RARB: variants seen among roughly 807,000 people sequenced by gnomAD.
RARB encodes retinoic acid receptor beta.
RARB carries 17 observed loss-of-function variants against 51.9 expected under a neutral mutation model. The observed-to-expected ratio is 0.33, with a 90% confidence interval of 0.22 to 0.49. The LOEUF (loss-of-function observed/expected upper bound fraction) is 0.49, where lower values mean the gene tolerates loss of function less well. Among genes scored for constraint, RARB ranks in the 20% least tolerant of loss-of-function variants. The pLI is 0.99. For missense variants in RARB, 369 were observed against 550.8 expected (o/e 0.67, Z 3.30); for synonymous variants, 215 against 195.4 (o/e 1.10, Z -0.84).
intron 4 of RARB, among the ~76,000 whole-genome samples, chr3:25,162,593 C>T (rs1444813530): frequency 1.3e-5 from 2 of 152,196 alleles, no homozygotes; most frequent in African/African-American, 2.4e-5. Flanking sequence ...TCTTTCCTCC[C>T]TCTAGCACCT....
At chr3:25,410,281 A>C (rs1707524374) in intron 5 of RARB, among the ~76,000 whole-genome samples, 1 of 152,232 alleles carries the variant, frequency 6.6e-6, no homozygotes, top group African/African-American at 2.4e-5. Flanking sequence ...TGGTGAATTA[A>C]ATGGGGCTTC....
At chr3:25,499,058 AAACAAGATTTCCAGGCACT>A (rs1352366278) in intron 2 of RARB, among the ~76,000 whole-genome samples, 1 of 152,224 alleles carries the variant, frequency 6.6e-6, no homozygotes, top group East Asian at 1.9e-4. Context: ...TTGCAACCTT[AAACAAGATTTCCAGGCACT>A]TATAGTTGAA....
At chr3:25,289,734 C>T (rs1357163742) in intron 5 of RARB, among the ~76,000 whole-genome samples, 4 of 148,428 alleles carry the variant, frequency 2.7e-5, no homozygotes, top group African/African-American at 4.9e-5. Context: ...GGGAGGAAGG[C>T]GAAGGATTTT....
chr3:25,046,673 T>C (rs2125297543), intron 2 of RARB, among the ~76,000 whole-genome samples: 1 of 152,256 alleles, frequency 6.6e-6, no homozygotes, highest in East Asian at 1.9e-4. Context: ...CAGGCTGGTT[T>C]CAAACTCCTG....
intron 2 of RARB, among the ~76,000 whole-genome samples, chr3:24,967,530 A>G (rs1309224587): frequency 6.6e-6 from 1 of 152,140 alleles, no homozygotes; most frequent in Non-Finnish European, 1.5e-5. Flanking sequence ...ACATGCATGC[A>G]TCTTTCAGCA....
intron 3 of RARB, among the ~76,000 whole-genome samples, chr3:25,118,348 C>G (rs1211123800): frequency 6.6e-6 from 1 of 152,120 alleles, no homozygotes; most frequent in Non-Finnish European, 1.5e-5. Flanking sequence ...GTCACTTTAT[C>G]ATGATCTGCC....
chr3:24,976,534 T>A (rs192895169), intron 2 of RARB, among the ~76,000 whole-genome samples: 1 of 152,226 alleles, frequency 6.6e-6, no homozygotes, highest in Non-Finnish European at 1.5e-5. Context: ...TGATGAGCAT[T>A]TTTTCATGTG....
chr3:24,878,667 G>A (rs1479440845), intron 2 of RARB, among the ~76,000 whole-genome samples: 1 of 152,104 alleles, frequency 6.6e-6, no homozygotes, highest in Non-Finnish European at 1.5e-5. Flanking sequence ...CCCTAATTGT[G>A]ATAACCAAAA....
chr3:25,413,657 G>T (rs1707626077), intron 5 of RARB, among the ~76,000 whole-genome samples: 2 of 151,882 alleles, frequency 1.3e-5, no homozygotes, highest in South Asian at 4.1e-4. Context: ...CTTGTTTTTT[G>T]TTTTTTGTTT....
At chr3:25,011,630 A>G (rs1697396092) in intron 2 of RARB, among the ~76,000 whole-genome samples, 1 of 152,096 alleles carries the variant, frequency 6.6e-6, no homozygotes, top group Non-Finnish European at 1.5e-5. Flanking sequence ...AAATCCAGTT[A>G]AACATTAAGA....
At chr3:25,036,114 A>G (rs1004457646) in intron 2 of RARB, among the ~76,000 whole-genome samples, 5 of 152,100 alleles carry the variant, frequency 3.3e-5, no homozygotes, top group African/African-American at 1.2e-4. Flanking sequence ...TCCAAATTTG[A>G]GTTATTTCTG....
chr3:25,111,783 T>C (rs1699606986), intron 3 of RARB, among the ~76,000 whole-genome samples: 1 of 151,988 alleles, frequency 6.6e-6, no homozygotes, highest in African/African-American at 2.4e-5. Flanking sequence ...TTCACTATGT[T>C]GGCCAGGCTG....
intron 5 of RARB, among the ~76,000 whole-genome samples, chr3:25,399,844 C>T (rs2125493495): frequency 6.6e-6 from 1 of 152,280 alleles, no homozygotes; most frequent in Middle Eastern, 3.4e-3. Context: ...ATAAGCTATC[C>T]ACCTCTGGGT....
intron 5 of RARB, among the ~76,000 whole-genome samples, chr3:25,286,189 C>T (rs1222280145): frequency 1.6e-4 from 22 of 138,462 alleles, no homozygotes; most frequent in African/African-American, 3.4e-4. Context: ...CCCGGGTTCA[C>T]GCCATTCTCC....
chr3:25,347,382 C>G (rs1705426438), intron 5 of RARB, among the ~76,000 whole-genome samples: 1 of 152,154 alleles, frequency 6.6e-6, no homozygotes, highest in African/African-American at 2.4e-5. Context: ...CAGTCCTGAG[C>G]TATGGTATAT....
At chr3:25,037,838 A>AGC (rs1698029836) in intron 2 of RARB, among the ~76,000 whole-genome samples, 1 of 152,156 alleles carries the variant, frequency 6.6e-6, no homozygotes, top group African/African-American at 2.4e-5. Context: ...TGGGGACCTT[A>AGC]GCTTGAAGGA....
intron 5 of RARB, among the ~76,000 whole-genome samples, chr3:25,210,509 C>T (rs1366467655): frequency 1.9e-5 from 2 of 105,438 alleles, no homozygotes; most frequent in Admixed American, 1.2e-4. Flanking sequence ...CCCCTGAAAG[C>T]CTGAAATCTT....
At chr3:25,257,671 C>A (rs1702898773) in intron 5 of RARB, among the ~76,000 whole-genome samples, 2 of 152,078 alleles carry the variant, frequency 1.3e-5, no homozygotes, top group African/African-American at 4.8e-5. Context: ...TACCTGATGC[C>A]TCCGCTCCTT....
At chr3:25,369,792 C>T (rs1350491120) in intron 5 of RARB, among the ~76,000 whole-genome samples, 1 of 152,108 alleles carries the variant, frequency 6.6e-6, no homozygotes. Flanking sequence ...CATGGTGGCA[C>T]ATGCCTGTAA....
Sources: gnomAD v4.1 joint callset for allele counts (sites outside exome capture counted in the v4.1 genomes callset) on GRCh38, gnomAD v4.1.1 for gene constraint, MANE v1.5 for transcripts, NCBI Gene and HGNC (gene_info 2026-07-23, HGNC 2026-07-21) for gene names.